MFHAS1: variants seen among roughly 807,000 people sequenced by gnomAD.
The protein encoded by MFHAS1 is malignant fibrous histiocytoma-amplified sequence 1.
A neutral mutation model predicts 70.4 loss-of-function variants in MFHAS1; 50 were observed. The ratio of observed to expected loss-of-function variants is 0.71; its 90% CI spans 0.57 to 0.90. The LOEUF is 0.90. Among genes scored for constraint, MFHAS1 ranks in the 40% least tolerant of loss-of-function variants. The pLI, the probability that MFHAS1 is intolerant of heterozygous loss-of-function variation, is 0.00. For synonymous variants in MFHAS1, 952 were observed against 620.0 expected, an observed-to-expected ratio of 1.54 and a Z score of -7.96; for missense variants, 1,795 against 1,347.6, an observed-to-expected ratio of 1.33 and a Z score of -5.20.
rs970102920 is a variant in MFHAS1, at chr8:8,784,845, G to C, written c.*1177C>G. The C allele has an allele frequency of 3.3e-5, 5 of 152,158 alleles. No homozygotes were observed. The highest frequency in any genetic ancestry group is 1.2e-4 in the African/African-American group (5 of 41,418). The allele number at this position is 152,158 out of a possible 1,614,324, so 9.4% of individuals were successfully genotyped here. The stretch of plus-strand genomic sequence containing the variant: ...GAATGGAGAGCAATTTGTTTGGTTG[G>C]CTTTTTAAGTTTTACCTTGTGAAGA... On this transcript the variant is annotated 3_prime_UTR_variant, in exon 3 of 3. Transcript: ENST00000276282.
chr8:8,805,568 G>A (rs1380686180), intron 1 of MFHAS1, among the ~76,000 whole-genome samples: 6 of 152,222 alleles, frequency 3.9e-5, no homozygotes, highest in African/African-American at 1.4e-4. Context: ...TGGTCTGGTT[G>A]TCTCAGGGGT....
intron 2 of MFHAS1, among the ~76,000 whole-genome samples, chr8:8,786,878 G>T (rs554111160): frequency 2.6e-5 from 4 of 151,912 alleles, no homozygotes; most frequent in African/African-American, 9.7e-5. Context: ...ACAAGATTCA[G>T]TCATGGGCTC....
chr8:8,804,239 C>T (rs1350556262), intron 1 of MFHAS1, among the ~76,000 whole-genome samples: 3 of 152,118 alleles, frequency 2.0e-5, no homozygotes, highest in Non-Finnish European at 2.9e-5. Context: ...CTCCTAGAAC[C>T]GTTTTCATTT....
At chr8:8,831,712 G>C (rs896526400) in intron 1 of MFHAS1, among the ~76,000 whole-genome samples, 1 of 151,670 alleles carries the variant, frequency 6.6e-6, no homozygotes, top group Non-Finnish European at 1.5e-5. Context: ...AGGTTCAAGC[G>C]ATTCTTGTGC....
In MFHAS1 at chr8:8,829,968, C is replaced by T. The variant is rs181981390; in HGVS notation, c.2999-32477G>A. 2.0e-5 allele frequency among the ~76,000 whole-genome samples: 3 copies of T among 152,304 alleles called. No homozygotes were observed. In the East Asian group the frequency reaches 5.8e-4, roughly 29 times the overall value. On this transcript the variant is annotated intron_variant, in intron 1 of 2. Coordinates refer to ENST00000276282, the MANE Select transcript of MFHAS1 (RefSeq NM_004225.3). Reference sequence around the variant, plus strand: ...TTCAACTAGAACAGTGCTTCTCAGCCTTGCTTTAGAGTGTGCCTGCTTCGG... The same window carrying T: ...TTCAACTAGAACAGTGCTTCTCAGCTTTGCTTTAGAGTGTGCCTGCTTCGG...
In MFHAS1 at chr8:8,784,697, A is replaced by C. The variant is rs1056704907; in HGVS notation, c.*1325T>G. 2 of 152,204 alleles carry C rather than the reference A, an allele frequency of 1.3e-5. No individual in the cohort carries two copies. Among genetic ancestry groups the C allele is most frequent in the African/African-American group, 4.8e-5 (2 of 41,458 alleles). 9.4% of individuals were successfully genotyped at this position (152,204 alleles called of 1,614,324 possible). ...ACTCTTCTTGTCTGAGGCTGGCGAGAAGCAGTCAGTTTTATACATTTTCGA... is the reference window on the plus strand; with the variant it reads ...ACTCTTCTTGTCTGAGGCTGGCGAGCAGCAGTCAGTTTTATACATTTTCGA... On this transcript the variant is annotated 3_prime_UTR_variant, in exon 3 of 3. Coordinates refer to ENST00000276282, the MANE Select transcript of MFHAS1 (RefSeq NM_004225.3).
At chr8:8,801,106 T>C (rs1244110355) in intron 1 of MFHAS1, among the ~76,000 whole-genome samples, 1 of 151,964 alleles carries the variant, frequency 6.6e-6, no homozygotes, top group Non-Finnish European at 1.5e-5. Context: ...TCCCAGCTAT[T>C]CAGGAGGCTG....
intron 1 of MFHAS1, among the ~76,000 whole-genome samples, chr8:8,799,075 G>T (rs550071049): frequency 6.6e-6 from 1 of 151,000 alleles, no homozygotes; most frequent in East Asian, 1.9e-4. Context: ...AAAAAGAAAA[G>T]AAATTCTAGA....
At chr8:8,887,855 A>AC (rs1809827109) in intron 1 of MFHAS1, among the ~76,000 whole-genome samples, 1 of 143,274 alleles carries the variant, frequency 7.0e-6, no homozygotes, top group African/African-American at 2.7e-5. Flanking sequence ...GTTAGCAAAA[A>AC]AAACAAAAAA....
At chr8:8,862,183 G>A (rs539059321) in intron 1 of MFHAS1, among the ~76,000 whole-genome samples, 27 of 152,192 alleles carry the variant, frequency 1.8e-4, no homozygotes, top group African/African-American at 5.3e-4. Context: ...ACAGCTCCTC[G>A]TCAACATTTG....
At chr8:8,861,088 C>A (rs1808642489) in intron 1 of MFHAS1, among the ~76,000 whole-genome samples, 1 of 152,180 alleles carries the variant, frequency 6.6e-6, no homozygotes, top group Non-Finnish European at 1.5e-5. Flanking sequence ...ATATCAAACT[C>A]ATCTTTACAT....
chr8:8,852,974 CT>C (rs752567516), intron 1 of MFHAS1, among the ~76,000 whole-genome samples: 3 of 152,164 alleles, frequency 2.0e-5, no homozygotes, highest in Non-Finnish European at 4.4e-5. Context: ...CAGAGTCCTA[CT>C]TTGTGGCTGG....
intron 1 of MFHAS1, among the ~76,000 whole-genome samples, chr8:8,856,274 A>G (rs925476961): frequency 6.6e-6 from 1 of 152,222 alleles, no homozygotes; most frequent in Admixed American, 6.5e-5. Context: ...ACAGTGCTGG[A>G]GAGATCTGTC....
chr8:8,843,846 G>A (rs963306846), intron 1 of MFHAS1, among the ~76,000 whole-genome samples: 2 of 152,154 alleles, frequency 1.3e-5, no homozygotes, highest in Non-Finnish European at 2.9e-5. Flanking sequence ...TCCAAAAATG[G>A]AAAGGTAGAA....
At chr8:8,800,044 T>C (rs1396160734) in intron 1 of MFHAS1, among the ~76,000 whole-genome samples, 2 of 152,346 alleles carry the variant, frequency 1.3e-5, no homozygotes, top group East Asian at 1.9e-4. Flanking sequence ...CCCAGGCTAA[T>C]GCCTCCCCAA....
chr8:8,886,852 C>CT (rs1809772220), intron 1 of MFHAS1, among the ~76,000 whole-genome samples: 1 of 152,174 alleles, frequency 6.6e-6, no homozygotes, highest in African/African-American at 2.4e-5. Flanking sequence ...GTGGCCAAGC[C>CT]TAGTGGCTCA....
In MFHAS1 at chr8:8,788,249, C is replaced by G. The variant is rs537001367; in HGVS notation, c.3126-2194G>C. On this transcript the variant is annotated intron_variant, in intron 2 of 2. Coordinates refer to ENST00000276282, the MANE Select transcript of MFHAS1 (RefSeq NM_004225.3). Reference sequence around the variant, plus strand: ...TTAGTTCTTTATGTATCCTCAACACCCGGCCCAATGCCTACTAGAGGATAA... The same window carrying G: ...TTAGTTCTTTATGTATCCTCAACACGCGGCCCAATGCCTACTAGAGGATAA... Among the ~76,000 whole-genome samples the G allele has an allele frequency of 2.0e-3, 303 of 152,336 alleles. 1 individual carries two copies. Among genetic ancestry groups the G allele is most frequent in the African/African-American group, 7.0e-3 (290 of 41,568 alleles).
chr8:8,881,345 C>T (rs895470012), intron 1 of MFHAS1, among the ~76,000 whole-genome samples: 2 of 152,214 alleles, frequency 1.3e-5, no homozygotes, highest in South Asian at 2.1e-4. Flanking sequence ...CTGTTATCCA[C>T]GCAGCCACCA....
intron 1 of MFHAS1, among the ~76,000 whole-genome samples, chr8:8,889,585 A>T (rs1218934810): frequency 6.6e-6 from 1 of 152,228 alleles, no homozygotes; most frequent in African/African-American, 2.4e-5. Context: ...CCCCACAAAT[A>T]TACAAACCTA....
Sources: allele counts gnomAD v4.1 joint callset (sites outside exome capture counted in the v4.1 genomes callset), GRCh38; gene constraint gnomAD v4.1.1; transcripts MANE v1.5; gene names NCBI Gene and HGNC (gene_info 2026-07-23, HGNC 2026-07-21).